Variants in RNF115 observed in about 807,000 individuals in gnomAD.
RNF115 encodes E3 ubiquitin-protein ligase RNF115.
Under a neutral mutation model 39.2 loss-of-function variants are expected in RNF115, and 31 were observed. The ratio of observed to expected loss-of-function variants is 0.79; its 90% CI spans 0.59 to 1.07. The LOEUF is 1.07. Ranked by LOEUF, RNF115 falls within the 50% of genes least tolerant of loss-of-function variation. The pLI, the probability that RNF115 is intolerant of heterozygous loss-of-function variation, is 0.00. For missense variants in RNF115, 384 were observed against 381.7 expected (o/e 1.01, Z -0.05); for synonymous variants, 124 against 131.0 (o/e 0.95, Z 0.37).
rs59834216 is a variant in RNF115 at position 145,764,993 on chromosome 1, G to A, written c.428+6718C>T. ...GTGGAACAGAGAAGGGGGAAAGGTG[G>A]GGAAGGGATAGAGAAATCGGATTGT... On this transcript the variant is annotated intron_variant, in intron 4 of 8. Coordinates refer to ENST00000582693, the MANE Select transcript of RNF115 (RefSeq NM_014455.4). Among the ~76,000 whole-genome samples, 845 of 152,322 alleles carry A rather than the reference G, an allele frequency of 5.5e-3. 11 individuals are homozygous for A. The highest frequency in any genetic ancestry group is 0.019 in the African/African-American group (804 of 41,572).
intron 4 of RNF115, among the ~76,000 whole-genome samples, chr1:145,767,410 T>C (rs1365446838): frequency 7.7e-6 from 1 of 130,480 alleles, no homozygotes; most frequent in African/African-American, 2.9e-5. Flanking sequence ...ACATCTCAGA[T>C]GATGGGCGGC....
chr1:145,762,841 G>A (rs984571147), intron 4 of RNF115, among the ~76,000 whole-genome samples: 3 of 152,106 alleles, frequency 2.0e-5, no homozygotes, highest in Admixed American at 6.5e-5. Flanking sequence ...AAAAAAGAAC[G>A]AAATCATGTC....
intron 1 of RNF115, among the ~76,000 whole-genome samples, chr1:145,793,152 C>T (rs1402487912): frequency 6.6e-6 from 1 of 152,112 alleles, no homozygotes; most frequent in Non-Finnish European, 1.5e-5. Flanking sequence ...GACCTTGTCT[C>T]TACAAAAATT....
chr1:145,799,830 G>C (rs1553720625), intron 1 of RNF115, among the ~76,000 whole-genome samples: 1 of 152,038 alleles, frequency 6.6e-6, no homozygotes, highest in African/African-American at 2.4e-5. Flanking sequence ...CTGGACTCAA[G>C]TGATCCTCCC....
intron 1 of RNF115, among the ~76,000 whole-genome samples, chr1:145,811,883 C>CAAAAAAAAAAAAAAAAA (rs67086842): frequency 2.8e-5 from 1 of 35,836 alleles, no homozygotes; most frequent in Non-Finnish European, 6.7e-5. Flanking sequence ...TTCTGTCTCA[C>CAAAAAAAAAAAAAAAAA]AAAAAAAAAA....
At position 145,771,982 on chromosome 1, in the gene RNF115, TAC is replaced by T. The variant is rs747933354; in HGVS notation, c.220-65_220-64del. 2.6e-5 allele frequency: 35 copies of T among 1,332,846 alleles called. No homozygotes were observed. The South Asian group carries it at 3.3e-4, about 12-fold the overall frequency. The allele number at this position is 1,332,846 out of a possible 1,614,324, so 82.6% of individuals were successfully genotyped here. On this transcript the variant is annotated intron_variant, in intron 3 of 8. Transcript: ENST00000582693. ...TCAATCAATAAACACCTGGATTGTT[TAC>T]AGTTTTTTATATTACAAATGGCCAC...
At chr1:145,790,920 T>A (rs1648635817) in intron 1 of RNF115, among the ~76,000 whole-genome samples, 1 of 151,638 alleles carries the variant, frequency 6.6e-6, no homozygotes, top group Non-Finnish European at 1.5e-5. Flanking sequence ...GGTGGGCAGA[T>A]CACTTGAGGT....
chr1:145,819,700 A>G, intron 1 of RNF115, among the ~76,000 whole-genome samples: 1 of 152,200 alleles, frequency 6.6e-6, no homozygotes, highest in Non-Finnish European at 1.5e-5. Flanking sequence ...ACAGACACAA[A>G]AATTCTAAAT....
intron 1 of RNF115, among the ~76,000 whole-genome samples, chr1:145,812,582 C>A (rs1404102734): frequency 6.6e-6 from 1 of 151,600 alleles, no homozygotes; most frequent in East Asian, 1.9e-4. Context: ...ATTGCTTGAA[C>A]GTGGGAGGCG....
At chr1:145,747,579 G>T (rs587653937) in intron 8 of RNF115, among the ~76,000 whole-genome samples, 1 of 152,102 alleles carries the variant, frequency 6.6e-6, no homozygotes, top group South Asian at 2.1e-4. Context: ...GGAGGTAGAG[G>T]TTTCAGTGAG....
At position 145,741,625 on chromosome 1, in the gene RNF115, T is replaced by A. The variant is rs1657694678; in HGVS notation, c.*5241A>T. 6.6e-6 allele frequency: 1 copy of A among 152,298 alleles called. No homozygotes were observed. The allele number at this position is 152,298 out of a possible 1,614,324, so 9.4% of individuals were successfully genotyped here. Reference sequence around the variant, plus strand: ...CCATCTTACTGTGACAGAACCTACATGAGATTCATTCGGGAAATTCTCAAC... The same window carrying A: ...CCATCTTACTGTGACAGAACCTACAAGAGATTCATTCGGGAAATTCTCAAC... On this transcript the variant is annotated 3_prime_UTR_variant, in exon 9 of 9. Coordinates refer to ENST00000582693, the MANE Select transcript of RNF115 (RefSeq NM_014455.4).
chr1:145,756,044 C>T (rs587713174), intron 4 of RNF115, among the ~76,000 whole-genome samples: 1 of 152,254 alleles, frequency 6.6e-6, no homozygotes, highest in South Asian at 2.1e-4. Flanking sequence ...GAATTCCCAG[C>T]ATCTCCAGAT....
chr1:145,781,847 T>A lies in RNF115; in HGVS notation c.219+2692A>T, dbSNP rs140745982. On this transcript the variant is annotated intron_variant, in intron 3 of 8. Transcript: ENST00000582693. ...GGCCCACCTTAACTCTTCCTTCTAC[T>A]ATACTTGTTACATATACCCCAGAAT... is the stretch of plus-strand genomic sequence containing the variant. Among the ~76,000 whole-genome samples the A allele has an allele frequency of 4.4e-4, 67 of 152,070 alleles. 1 individual carries two copies. The highest frequency in any genetic ancestry group is 1.6e-3 in the African/African-American group (65 of 41,500).
At chr1:145,764,709 G>C (rs1471875147) in intron 4 of RNF115, among the ~76,000 whole-genome samples, 1 of 151,596 alleles carries the variant, frequency 6.6e-6, no homozygotes, top group South Asian at 2.1e-4. Context: ...GGAGGGAGGT[G>C]GGGGGTCAGC....
chr1:145,758,231 C>T (rs1431844859), intron 4 of RNF115, among the ~76,000 whole-genome samples: 5 of 152,050 alleles, frequency 3.3e-5, no homozygotes, highest in Non-Finnish European at 7.4e-5. Context: ...CTATCATTCT[C>T]TTGGATCACT....
chr1:145,815,264 T>TA (rs782231742), intron 1 of RNF115, among the ~76,000 whole-genome samples: 5 of 152,304 alleles, frequency 3.3e-5, no homozygotes, highest in Non-Finnish European at 7.3e-5. Flanking sequence ...AAGAAGATGA[T>TA]AAAATAAGTA....
At chr1:145,789,683 CCACCA>C (rs1553718659) in intron 1 of RNF115, among the ~76,000 whole-genome samples, 3 of 149,520 alleles carry the variant, frequency 2.0e-5, no homozygotes, top group Non-Finnish European at 4.4e-5. Context: ...CAGGTGTGAG[CCACCA>C]CACCCGGACT....
intron 4 of RNF115, among the ~76,000 whole-genome samples, chr1:145,770,736 A>G (rs1293861417): frequency 6.6e-6 from 1 of 152,216 alleles, no homozygotes; most frequent in African/African-American, 2.4e-5. Flanking sequence ...AACAACATAA[A>G]GCAGATAAAG....
intron 1 of RNF115, among the ~76,000 whole-genome samples, chr1:145,819,511 C>T: frequency 6.6e-6 from 1 of 152,096 alleles, no homozygotes; most frequent in Admixed American, 6.6e-5. Context: ...CAGACGGACT[C>T]ACAGCCAAAC....
Sources: allele counts gnomAD v4.1 joint callset (sites outside exome capture counted in the v4.1 genomes callset), GRCh38; gene constraint gnomAD v4.1.1; transcripts MANE v1.5; gene names NCBI Gene and HGNC (gene_info 2026-07-23, HGNC 2026-07-21).